Variants in OR4K1 observed in about 807,000 individuals in gnomAD.
The protein encoded by OR4K1 is olfactory receptor family 4 subfamily K member 1.
In OR4K1, 16 loss-of-function variants were observed where a neutral mutation model predicts 14.4. The ratio of observed to expected loss-of-function variants is 1.11; its 90% CI spans 0.75 to 1.68. The LOEUF is 1.68. Among genes scored for constraint, OR4K1 ranks in the 40% most tolerant of loss-of-function variants. OR4K1 has a pLI of 0.00. For synonymous variants in OR4K1, 181 were observed against 133.1 expected, an observed-to-expected ratio of 1.36 and a Z score of -2.48; for missense variants, 548 against 376.9, an observed-to-expected ratio of 1.45 and a Z score of -3.76.
At chr14:19,933,048 A>C (rs1265301110) in intron 1 of OR4K1, among the ~76,000 whole-genome samples, 5 of 151,402 alleles carry the variant, frequency 3.3e-5, no homozygotes, top group African/African-American at 9.7e-5. Context: ...GCTGTAATAG[A>C]TGTATGTACA....
chr14:19,923,575 AAG>A, the OR4K1 span, among the ~76,000 whole-genome samples: 1,636 of 152,108 alleles, frequency 0.011, 21 homozygotes, highest in African/African-American at 0.038. Context: ...AATGTTGAAA[AAG>A]AAAAAATATG....
rs34941850 is a variant in OR4K1 at position 19,934,675 on chromosome 14, A to ATTTT, written c.-19-964_-19-961dup. Among the ~76,000 whole-genome samples the ATTTT allele has an allele frequency of 1.6e-3, 235 of 147,766 alleles. 4 individuals are homozygous for ATTTT. In the East Asian group the frequency reaches 0.033, roughly 21 times the overall value. ...TTCTTTTCTTTTTTCTTCTTTTAAC[A>ATTTT]TTTTTTTTTTTTGAGACAGAGTTTC... On this transcript the variant is annotated intron_variant, in intron 1 of 1. Transcript: ENST00000641172.
chr14:19,931,728 G>A (rs1036226014), intron 1 of OR4K1, among the ~76,000 whole-genome samples: 2 of 152,208 alleles, frequency 1.3e-5, no homozygotes, highest in African/African-American at 4.8e-5. Flanking sequence ...CAAGAATAGG[G>A]AAATTTTCTT....
the OR4K1 span, chr14:19,921,271 T>G: frequency 6.2e-7 from 1 of 1,614,206 alleles, no homozygotes; most frequent in Non-Finnish European, 8.5e-7. Context: ...ATCATTATTC[T>G]TGTTACAGTT....
the OR4K1 span, among the ~76,000 whole-genome samples, chr14:19,924,892 G>A: frequency 7.9e-5 from 12 of 152,210 alleles, no homozygotes; most frequent in East Asian, 5.8e-4. Flanking sequence ...ACATAGCATC[G>A]TATTTCGGTT....
upstream of OR4K1, among the ~76,000 whole-genome samples, chr14:19,930,032 T>G (rs746033754): frequency 6.6e-5 from 10 of 152,222 alleles, no homozygotes; most frequent in Non-Finnish European, 8.8e-5. Flanking sequence ...CATTATGTTT[T>G]TAACCATACA....
chr14:19,936,556 C>G lies in OR4K1; in HGVS notation c.890C>G (p.Ala297Gly), dbSNP rs777803725. Residue 297 changes from alanine to glycine, a missense_variant, in exon 2 of 2, where the codon GCC (alanine) becomes GGC (glycine). Transcript: ENST00000641172. ...CTGAGGAATGAAGATGTTAAAGCAG[C>G]CATGTGGAAGCTGAGAAACCGTCAT... is the stretch of plus-strand genomic sequence containing the variant. The part of the protein sequence containing the change: ...YSLRNEDVKA[A>G]MWKLRNRHVN... 17 of 1,609,296 alleles carry G rather than the reference C, an allele frequency of 1.1e-5. No homozygotes were observed. In the East Asian group the frequency reaches 3.8e-4, roughly 36 times the overall value.
the OR4K1 span, chr14:19,921,212 T>G: frequency 6.2e-7 from 1 of 1,614,198 alleles, no homozygotes. Flanking sequence ...TTGTGGTCAA[T>G]AGTGGAATTC....
At position 19,935,784 on chromosome 14, in the gene OR4K1, C is replaced by A. The variant is rs761990421; in HGVS notation, c.118C>A (p.Leu40Ile). ...IFSIVYVTSV[L>I]GNVLIIVIIS... The stretch of plus-strand genomic sequence containing the variant: ...CTCTATAGTCTATGTGACATCAGTG[C>A]TAGGCAATGTCTTAATTATTGTCAT... The change falls in exon 2 of 2, where the codon CTA (leucine) becomes ATA (isoleucine). Residue 40 changes from leucine (L) to isoleucine (I), a missense_variant. By Grantham distance (5) the Leu-to-Ile change is conservative. Coordinates refer to ENST00000641172, the MANE Select transcript of OR4K1 (RefSeq NM_001004063.3). 1 of 1,613,966 alleles carries A rather than the reference C, an allele frequency of 6.2e-7. No individual in the cohort carries two copies. The highest frequency in any genetic ancestry group is 8.5e-7 in the Non-Finnish European group (1 of 1,179,942).
At chr14:19,925,213 G>A in the OR4K1 span, among the ~76,000 whole-genome samples, 242 of 152,302 alleles carry the variant, frequency 1.6e-3, 2 homozygotes, top group African/African-American at 5.7e-3. Context: ...AAGTGTAAAG[G>A]AAAGTGTCTT....
the OR4K1 span, among the ~76,000 whole-genome samples, chr14:19,923,850 T>C: frequency 6.6e-6 from 1 of 152,260 alleles, no homozygotes; most frequent in African/African-American, 2.4e-5. Context: ...CTCCTTGTAG[T>C]AGCTAATTCC....
chr14:19,921,166 T>C, the OR4K1 span: 1 of 1,614,066 alleles, frequency 6.2e-7, no homozygotes, highest in African/African-American at 1.3e-5. Flanking sequence ...GTCACCAAAC[T>C]TGCCTGCCTG....
chr14:19,922,812 A>C, the OR4K1 span, among the ~76,000 whole-genome samples: 1 of 152,214 alleles, frequency 6.6e-6, no homozygotes, highest in African/African-American at 2.4e-5. Context: ...CTGGCAACCA[A>C]TGATCTGTTC....
intron 1 of OR4K1, among the ~76,000 whole-genome samples, chr14:19,934,806 G>A (rs912987023): frequency 1.3e-5 from 2 of 152,156 alleles, no homozygotes; most frequent in African/African-American, 2.4e-5. Context: ...AAGTAGGGGG[G>A]AATACAGGTG....
chr14:19,929,088 C>A (rs548311376), upstream of OR4K1, among the ~76,000 whole-genome samples: 1 of 151,768 alleles, frequency 6.6e-6, no homozygotes, highest in African/African-American at 2.4e-5. Flanking sequence ...AAAATCTTCA[C>A]GTGCTTTTTT....
In OR4K1 at chr14:19,936,184, A is replaced by G; in HGVS notation, c.518A>G (p.Glu173Gly). ...GACCTGCCATTCTGTGGTCCCAATG[A>G]GGTGGATAGCTTCTTTTGTGACCTT... is the stretch of plus-strand genomic sequence containing the variant. ...TVDLPFCGPN[E>G]VDSFFCDLPL... Residue 173 changes from glutamate to glycine, a missense_variant, in exon 2 of 2, where the codon GAG (glutamate) becomes GGG (glycine). By Grantham distance (98) the Glu-to-Gly change is moderately conservative. Coordinates refer to ENST00000641172, the MANE Select transcript of OR4K1 (RefSeq NM_001004063.3). 1 of 1,614,246 alleles carries G rather than the reference A, an allele frequency of 6.2e-7. No homozygotes were observed.
the OR4K1 span, chr14:19,920,992 C>A: frequency 1.4e-5 from 23 of 1,614,078 alleles, no homozygotes; most frequent in African/African-American, 2.3e-4. Flanking sequence ...ATATGCAAAC[C>A]CTTATACTAT....
the OR4K1 span, chr14:19,920,489 A>C: frequency 5.3e-6 from 7 of 1,327,856 alleles, no homozygotes; most frequent in Non-Finnish European, 6.1e-6. Context: ...CAGCAAATGC[A>C]CATTATATCT....
Position 19,935,706 on chromosome 14 carries a change from C to A in OR4K1, c.40C>A (p.Leu14Ile), listed in dbSNP as rs1173432746. The change falls in exon 2 of 2, where the codon CTT becomes ATT. Residue 14 changes from leucine (L) to isoleucine (I), a missense_variant. Coordinates refer to ENST00000641172, the MANE Select transcript of OR4K1 (RefSeq NM_001004063.3). ...TNESMVSEFVLLGLSNSWGLQ... is the reference protein window; with the variant it reads ...TNESMVSEFVILGLSNSWGLQ... The stretch of plus-strand genomic sequence containing the variant: ...TGAATCGATGGTGTCTGAGTTTGTA[C>A]TTTTGGGACTCTCTAATTCCTGGGG... 1.9e-6 allele frequency: 3 copies of A among 1,612,108 alleles called. No homozygotes were observed. Among genetic ancestry groups the A allele is most frequent in the Non-Finnish European group, 2.5e-6 (3 of 1,179,608 alleles).
Sources: allele counts gnomAD v4.1 joint callset (sites outside exome capture counted in the v4.1 genomes callset), GRCh38; gene constraint gnomAD v4.1.1; transcripts MANE v1.5; gene names NCBI Gene and HGNC (gene_info 2026-07-23, HGNC 2026-07-21).